Variants in DLGAP2 observed in about 807,000 individuals in gnomAD.
The protein encoded by DLGAP2 is disks large-associated protein 2.
DLGAP2 carries 26 observed loss-of-function variants against 100.3 expected under a neutral mutation model. The ratio of observed to expected loss-of-function variants is 0.26; its 90% CI spans 0.19 to 0.36. The LOEUF is 0.36. DLGAP2 is among the 10% of genes least tolerant of loss of function. DLGAP2 has a pLI of 1.00. For missense variants in DLGAP2, 1,858 were observed against 1,453.2 expected (o/e 1.28, Z -4.53); for synonymous variants, 886 against 630.1 (o/e 1.41, Z -6.08).
chr8:1,530,976 A>C (rs1800970582), intron 4 of DLGAP2, among the ~76,000 whole-genome samples: 1 of 152,228 alleles, frequency 6.6e-6, no homozygotes, highest in Admixed American at 6.5e-5. Flanking sequence ...TTTGGATTCC[A>C]TATATAAATG....
chr8:946,480 G>C (rs893845180), intron 2 of DLGAP2, among the ~76,000 whole-genome samples: 3 of 151,896 alleles, frequency 2.0e-5, no homozygotes, highest in South Asian at 2.1e-4. Context: ...AGCCAGGATG[G>C]TCTCGATCTC....
rs116054038 is a variant in DLGAP2, at chr8:794,565, C to G, written c.18+56740C>G. On this transcript the variant is annotated intron_variant, in intron 1 of 14. Coordinates refer to ENST00000637795, the MANE Select transcript of DLGAP2 (RefSeq NM_001346810.2). ...GAGCATGTCTTTAAAGCACAGATCA[C>G]TCATGTTATTGTTTGTGGCTTAGGA... 8.0e-3 allele frequency among the ~76,000 whole-genome samples: 1,223 copies of G among 152,338 alleles called. 11 individuals carry two copies. Among genetic ancestry groups the G allele is most frequent in the African/African-American group, 0.028 (1,159 of 41,580 alleles).
At chr8:1,439,622 G>A (rs574039112) in intron 3 of DLGAP2, among the ~76,000 whole-genome samples, 2 of 152,262 alleles carry the variant, frequency 1.3e-5, no homozygotes, top group South Asian at 4.2e-4. Context: ...ATAGAACGTT[G>A]CAGGCAGAAG....
chr8:997,745 A>G (rs1397909257), intron 2 of DLGAP2, among the ~76,000 whole-genome samples: 3 of 152,224 alleles, frequency 2.0e-5, no homozygotes, highest in African/African-American at 7.2e-5. Context: ...TTGAAAAATG[A>G]AAGTACTATT....
At chr8:1,600,489 C>T (rs1343676871) in intron 6 of DLGAP2, among the ~76,000 whole-genome samples, 2 of 152,116 alleles carry the variant, frequency 1.3e-5, no homozygotes, top group Non-Finnish European at 2.9e-5. Flanking sequence ...TTCCATTCTC[C>T]CCGTCACTTT....
intron 2 of DLGAP2, among the ~76,000 whole-genome samples, chr8:993,614 T>C (rs530686368): frequency 4.3e-4 from 65 of 152,220 alleles, no homozygotes; most frequent in African/African-American, 1.2e-3. Flanking sequence ...TGATGCCTGG[T>C]GTGTATCCTT....
At chr8:1,434,795 C>T (rs184851650) in intron 3 of DLGAP2, among the ~76,000 whole-genome samples, 1 of 152,162 alleles carries the variant, frequency 6.6e-6, no homozygotes, top group African/African-American at 2.4e-5. Context: ...TTTTGAGAAA[C>T]AGAAAATGCT....
intron 3 of DLGAP2, among the ~76,000 whole-genome samples, chr8:1,325,409 C>T (rs1039735468): frequency 6.6e-6 from 1 of 152,212 alleles, no homozygotes; most frequent in Non-Finnish European, 1.5e-5. Context: ...TGGGTGTGGT[C>T]CCCCGACCCT....
At chr8:1,173,782 G>A (rs1291731603) in intron 2 of DLGAP2, among the ~76,000 whole-genome samples, 1 of 152,202 alleles carries the variant, frequency 6.6e-6, no homozygotes, top group South Asian at 2.1e-4. Context: ...GGTGCCGTCT[G>A]TCACCCCTTT....
intron 3 of DLGAP2, among the ~76,000 whole-genome samples, chr8:1,457,977 T>TATATATAC (rs1554475200): frequency 4.6e-5 from 1 of 21,828 alleles, no homozygotes; most frequent in African/African-American, 2.3e-4. Flanking sequence ...TCTCTGATCA[T>TATATATAC]ATATATATAT....
intron 3 of DLGAP2, chr8:1,302,387 GGGACC>G (rs1800373673): frequency 1.0e-5 from 1 of 100,186 alleles, no homozygotes; most frequent in African/African-American, 4.0e-5. Context: ...CTCCATACCT[GGGACC>G]GGACTCAGCA....
chr8:997,926 A>G (rs781438626), intron 2 of DLGAP2, among the ~76,000 whole-genome samples: 3 of 152,164 alleles, frequency 2.0e-5, no homozygotes, highest in Non-Finnish European at 4.4e-5. Context: ...ACATGCACAC[A>G]CACCCATGCA....
intron 1 of DLGAP2, among the ~76,000 whole-genome samples, chr8:758,270 G>A (rs1174371889): frequency 6.6e-6 from 1 of 152,178 alleles, no homozygotes; most frequent in African/African-American, 2.4e-5. Flanking sequence ...AAACTCGGTA[G>A]TGCCACATCT....
At chr8:1,590,741 C>G (rs1796265563) in intron 6 of DLGAP2, among the ~76,000 whole-genome samples, 2 of 152,192 alleles carry the variant, frequency 1.3e-5, no homozygotes, top group Admixed American at 6.5e-5. Context: ...AAATGGGAAT[C>G]CCACCTCTGT....
chr8:893,785 T>TG (rs1370666859), intron 1 of DLGAP2, among the ~76,000 whole-genome samples: 1 of 152,228 alleles, frequency 6.6e-6, no homozygotes, highest in African/African-American at 2.4e-5. Context: ...GCTCTGGACA[T>TG]GGGGGTCTCC....
intron 2 of DLGAP2, among the ~76,000 whole-genome samples, chr8:1,102,189 A>G (rs1047741375): frequency 9.4e-5 from 14 of 148,564 alleles, no homozygotes; most frequent in Non-Finnish European, 1.9e-4. Context: ...ATTATATATA[A>G]TATTGAATTA....
chr8:1,263,605 C>G (rs751542742), intron 3 of DLGAP2, among the ~76,000 whole-genome samples: 1 of 152,204 alleles, frequency 6.6e-6, no homozygotes, highest in East Asian at 1.9e-4. Context: ...TGACTCGAAA[C>G]AATGCAGTCT....
intron 4 of DLGAP2, among the ~76,000 whole-genome samples, chr8:1,519,680 A>G (rs569626114): frequency 2.6e-5 from 4 of 152,246 alleles, no homozygotes; most frequent in Non-Finnish European, 5.9e-5. Context: ...AGAAAAGTCC[A>G]GAACTCATTG....
At chr8:1,181,243 C>A (rs929716009) in intron 2 of DLGAP2, among the ~76,000 whole-genome samples, 3 of 150,000 alleles carry the variant, frequency 2.0e-5, no homozygotes, top group Admixed American at 2.0e-4. Flanking sequence ...AAGGGCAGTA[C>A]ACTTACTGTC....
Sources: gnomAD v4.1 joint callset for allele counts (sites outside exome capture counted in the v4.1 genomes callset) on GRCh38, gnomAD v4.1.1 for gene constraint, MANE v1.5 for transcripts, NCBI Gene and HGNC (gene_info 2026-07-23, HGNC 2026-07-21) for gene names.